MICU2: variants seen among roughly 807,000 people sequenced by gnomAD.
MICU2 encodes calcium uptake protein 2, mitochondrial.
MICU2 carries 64 observed loss-of-function variants against 60.4 expected under a neutral mutation model. The ratio of observed to expected loss-of-function variants is 1.06; its 90% CI spans 0.87 to 1.31. The LOEUF (loss-of-function observed/expected upper bound fraction) is 1.31. Ranked by LOEUF, MICU2 falls within the 50% of genes most tolerant of loss-of-function variation. The pLI, the probability that MICU2 is intolerant of heterozygous loss-of-function variation, is 0.00. For synonymous variants in MICU2, 201 were observed against 175.0 expected (o/e 1.15, Z -1.17); for missense variants, 569 against 531.0 (o/e 1.07, Z -0.70).
At chr13:21,499,174 C>G (rs1255812962) in intron 9 of MICU2, among the ~76,000 whole-genome samples, 1 of 152,082 alleles carries the variant, frequency 6.6e-6, no homozygotes, top group Non-Finnish European at 1.5e-5. Context: ...TGGTCTCAAA[C>G]TCCCGGCCTC....
chr13:21,567,028 C>T (rs977595300), intron 1 of MICU2, 84 bp from the exon 2 acceptor site: 1 of 1,193,242 alleles, frequency 8.4e-7, no homozygotes, highest in African/African-American at 1.6e-5. Context: ...AAGTAACTTT[C>T]ACGCTTGGAT....
chr13:21,535,144 T>C (rs907122239), intron 4 of MICU2, among the ~76,000 whole-genome samples: 2 of 152,202 alleles, frequency 1.3e-5, no homozygotes, highest in Admixed American at 6.5e-5. Context: ...ATTTAAATTT[T>C]CTCTCTTCAG....
chr13:21,507,697 G>C (rs9550741), intron 8 of MICU2, among the ~76,000 whole-genome samples: 2 of 150,708 alleles, frequency 1.3e-5, no homozygotes, highest in African/African-American at 2.5e-5. Flanking sequence ...TCTGCTGCCC[G>C]GGTTCAAGCA....
chr13:21,600,772 T>C (rs535969311), intron 1 of MICU2, among the ~76,000 whole-genome samples: 1 of 150,936 alleles, frequency 6.6e-6, no homozygotes, highest in African/African-American at 2.4e-5. Flanking sequence ...GTGTAATGAC[T>C]GAAAATGAAG....
intron 11 of MICU2, among the ~76,000 whole-genome samples, chr13:21,493,999 AT>A (rs1408294263): frequency 6.6e-6 from 1 of 152,102 alleles, no homozygotes; most frequent in African/African-American, 2.4e-5. Context: ...TCCAGATTAT[AT>A]ATGTTCTTTT....
intron 4 of MICU2, among the ~76,000 whole-genome samples, chr13:21,532,508 C>T (rs1157369206): frequency 2.0e-5 from 3 of 152,162 alleles, no homozygotes; most frequent in African/African-American, 7.2e-5. Flanking sequence ...TCTTTCAGGA[C>T]TGACTAGTGA....
At chr13:21,499,147 C>A (rs938082599) in intron 9 of MICU2, among the ~76,000 whole-genome samples, 4 of 152,014 alleles carry the variant, frequency 2.6e-5, no homozygotes, top group Admixed American at 1.3e-4. Flanking sequence ...GACGGGGTTT[C>A]ACCATGTTGA....
intron 7 of MICU2, among the ~76,000 whole-genome samples, chr13:21,514,139 C>A (rs1268667507): frequency 2.6e-5 from 4 of 152,040 alleles, no homozygotes; most frequent in African/African-American, 9.7e-5. Flanking sequence ...GATGGTATAC[C>A]CCACCACACA....
intron 4 of MICU2, among the ~76,000 whole-genome samples, chr13:21,527,878 C>T (rs1886894774): frequency 6.6e-6 from 1 of 152,160 alleles, no homozygotes; most frequent in Non-Finnish European, 1.5e-5. Context: ...AAAACCCAGT[C>T]ATCACACTTA....
intron 9 of MICU2, among the ~76,000 whole-genome samples, chr13:21,498,852 A>G (rs907521820): frequency 6.6e-6 from 1 of 151,158 alleles, no homozygotes; most frequent in Admixed American, 6.6e-5. Context: ...TTATCAGCAC[A>G]AATAAGAGTG....
chr13:21,524,442 T>C (rs1276053932), intron 4 of MICU2, among the ~76,000 whole-genome samples: 1 of 152,176 alleles, frequency 6.6e-6, no homozygotes, highest in Non-Finnish European at 1.5e-5. Flanking sequence ...CCCTGCCAGA[T>C]AGTTACCACA....
intron 1 of MICU2, among the ~76,000 whole-genome samples, chr13:21,568,261 G>A (rs1397924909): frequency 6.6e-6 from 1 of 152,088 alleles, no homozygotes; most frequent in East Asian, 1.9e-4. Context: ...TCAGTTCTCT[G>A]ACCAGTATTA....
intron 4 of MICU2, chr13:21,530,933 C>T (rs1886980764): frequency 1.3e-6 from 1 of 763,952 alleles, no homozygotes; most frequent in African/African-American, 1.7e-5. Context: ...AATGTTGGCC[C>T]CAATCCTGTG....
At chr13:21,528,899 G>T (rs552009228) in intron 4 of MICU2, among the ~76,000 whole-genome samples, 1 of 152,284 alleles carries the variant, frequency 6.6e-6, no homozygotes, top group African/African-American at 2.4e-5. Flanking sequence ...GGAGAAGGTG[G>T]TGAGTCAGAG....
chr13:21,517,348 T>C (rs1489283932), intron 6 of MICU2, among the ~76,000 whole-genome samples: 1 of 152,218 alleles, frequency 6.6e-6, no homozygotes, highest in African/African-American at 2.4e-5. Context: ...GTAGTACATA[T>C]ATGGTGGGGA....
At chr13:21,533,209 G>A (rs917750125) in intron 4 of MICU2, among the ~76,000 whole-genome samples, 5 of 151,772 alleles carry the variant, frequency 3.3e-5, no homozygotes, top group Non-Finnish European at 7.4e-5. Flanking sequence ...TAAATTCCAC[G>A]GTGTATAGGA....
intron 1 of MICU2, among the ~76,000 whole-genome samples, chr13:21,594,282 C>A (rs1888646475): frequency 6.6e-6 from 1 of 152,138 alleles, no homozygotes; most frequent in African/African-American, 2.4e-5. Flanking sequence ...TGAAAAAGAG[C>A]TCATCATCAC....
At chr13:21,541,364 T>C (rs1887279984) in intron 2 of MICU2, among the ~76,000 whole-genome samples, 1 of 152,098 alleles carries the variant, frequency 6.6e-6, no homozygotes, top group Non-Finnish European at 1.5e-5. Context: ...TTCAATACTA[T>C]GTGAATGAAA....
intron 2 of MICU2, among the ~76,000 whole-genome samples, chr13:21,544,532 A>AAAAAAAAAAAAC (rs560934524): frequency 1.5e-5 from 2 of 132,510 alleles, no homozygotes; most frequent in African/African-American, 5.4e-5. Flanking sequence ...AAAAAAAAAA[A>AAAAAAAAAAAAC]AACTCAATAC....
Sources: allele counts gnomAD v4.1 joint callset (sites outside exome capture counted in the v4.1 genomes callset), GRCh38; gene constraint gnomAD v4.1.1; transcripts MANE v1.5; gene names NCBI Gene and HGNC (gene_info 2026-07-23, HGNC 2026-07-21).